ZMAT4: variants seen among roughly 807,000 people sequenced by gnomAD.
The protein encoded by ZMAT4 is zinc finger matrin-type 4.
ZMAT4 carries 17 observed loss-of-function variants against 28.7 expected under a neutral mutation model. That is an observed-to-expected ratio of 0.59 (90% CI 0.41 to 0.89). The LOEUF (loss-of-function observed/expected upper bound fraction) is 0.89, where lower values mean the gene tolerates loss of function less well. ZMAT4 is among the 40% of genes least tolerant of loss of function. ZMAT4 has a pLI of 0.00. For synonymous variants in ZMAT4, 117 were observed against 109.2 expected, an observed-to-expected ratio of 1.07 and a Z score of -0.44; for missense variants, 240 against 283.8, an observed-to-expected ratio of 0.85 and a Z score of 1.11.
At chr8:40,608,405 C>T (rs1009119963) in intron 5 of ZMAT4, among the ~76,000 whole-genome samples, 1 of 152,122 alleles carries the variant, frequency 6.6e-6, no homozygotes, top group Non-Finnish European at 1.5e-5. Context: ...GCCAGAAAGG[C>T]CAGTCTCATT....
rs202133757 is a variant in ZMAT4 at position 40,697,405 on chromosome 8, C to T, written c.193-4G>A. 2,143 of 1,565,794 alleles carry T rather than the reference C, an allele frequency of 1.4e-3. 3 individuals carry two copies. Among genetic ancestry groups the T allele is most frequent in the Non-Finnish European group, 1.6e-3 (1,902 of 1,152,806 alleles). On this transcript the variant is annotated splice_polypyrimidine_tract_variant and splice_region_variant and intron_variant, in intron 3 of 6. Coordinates refer to ENST00000297737, the MANE Select transcript of ZMAT4 (RefSeq NM_024645.3). ...CCACCATGTCGGCATCACTTCCCTG[C>T]GCAGGGAGAAAGAAAGGCCACGTGT...
intron 3 of ZMAT4, among the ~76,000 whole-genome samples, chr8:40,703,675 C>T (rs12547087): frequency 0.44 from 67,600 of 151,970 alleles, 15,380 homozygotes; most frequent in Non-Finnish European, 0.49. Flanking sequence ...GGCAGTCACA[C>T]GGCTCTGTGA....
intron 5 of ZMAT4, among the ~76,000 whole-genome samples, chr8:40,649,285 A>G (rs943244948): frequency 6.6e-6 from 1 of 152,140 alleles, no homozygotes; most frequent in African/African-American, 2.4e-5. Flanking sequence ...CTAGTCTCTG[A>G]TAAAACAGAC....
At chr8:40,583,294 G>A (rs1804554145) in intron 5 of ZMAT4, among the ~76,000 whole-genome samples, 1 of 152,160 alleles carries the variant, frequency 6.6e-6, no homozygotes, top group South Asian at 2.1e-4. Context: ...ACAGAATTGG[G>A]CATGGCCTGT....
intron 3 of ZMAT4, among the ~76,000 whole-genome samples, chr8:40,743,373 C>T (rs768066689): frequency 2.6e-4 from 40 of 152,154 alleles, no homozygotes; most frequent in Non-Finnish European, 4.3e-4. Context: ...CTCAAGAAAT[C>T]GGGAGGAGCC....
chr8:40,708,584 TCTCTC>T (rs1810466878), intron 3 of ZMAT4, among the ~76,000 whole-genome samples: 2 of 149,280 alleles, frequency 1.3e-5, no homozygotes, highest in Non-Finnish European at 3.0e-5. Context: ...TCTCTCTCTC[TCTCTC>T]TCTCTCTCTC....
chr8:40,839,775 T>C (rs1286254584), intron 1 of ZMAT4, among the ~76,000 whole-genome samples: 1 of 152,078 alleles, frequency 6.6e-6, no homozygotes, highest in Non-Finnish European at 1.5e-5. Context: ...CACATGGACA[T>C]AGAGTGTGGA....
chr8:40,673,182 G>A (rs2150471455), intron 5 of ZMAT4, among the ~76,000 whole-genome samples: 1 of 152,182 alleles, frequency 6.6e-6, no homozygotes, highest in South Asian at 2.1e-4. Flanking sequence ...CTGCTCACAT[G>A]GAATGCCTTC....
At chr8:40,821,330 T>C (rs1815821583) in intron 2 of ZMAT4, among the ~76,000 whole-genome samples, 1 of 152,192 alleles carries the variant, frequency 6.6e-6, no homozygotes, top group African/African-American at 2.4e-5. Context: ...TTTCTCTTCC[T>C]TCTGTGTCTG....
At chr8:40,559,471 C>T (rs1803659626) in intron 6 of ZMAT4, among the ~76,000 whole-genome samples, 1 of 152,110 alleles carries the variant, frequency 6.6e-6, no homozygotes, top group South Asian at 2.1e-4. Flanking sequence ...ATACCTCCTC[C>T]TATAACCTGT....
At chr8:40,876,289 T>C (rs1405672619) in intron 1 of ZMAT4, among the ~76,000 whole-genome samples, 1 of 152,194 alleles carries the variant, frequency 6.6e-6, no homozygotes, top group African/African-American at 2.4e-5. Flanking sequence ...ATAGTAAATA[T>C]AAATAGTATA....
chr8:40,686,039 A>G (rs17561320), intron 4 of ZMAT4, among the ~76,000 whole-genome samples: 58,736 of 151,942 alleles, frequency 0.39, 12,663 homozygotes, highest in Middle Eastern at 0.62. Flanking sequence ...CAGCCATACC[A>G]AATATTCATA....
At chr8:40,533,436 G>C (rs1461084342) in intron 6 of ZMAT4, among the ~76,000 whole-genome samples, 1 of 152,180 alleles carries the variant, frequency 6.6e-6, no homozygotes, top group Non-Finnish European at 1.5e-5. Context: ...GAATATTTTA[G>C]AGGGAAGGGT....
chr8:40,626,574 C>A (rs1277412497), intron 5 of ZMAT4, among the ~76,000 whole-genome samples: 1 of 152,232 alleles, frequency 6.6e-6, no homozygotes, highest in Non-Finnish European at 1.5e-5. Flanking sequence ...CCATGGTCAG[C>A]AAACACGCAC....
intron 5 of ZMAT4, among the ~76,000 whole-genome samples, chr8:40,666,685 CAAAAT>C: frequency 6.6e-6 from 1 of 152,070 alleles, no homozygotes; most frequent in East Asian, 1.9e-4. Flanking sequence ...ATAAAACACA[CAAAAT>C]AAAGTTTCAA....
chr8:40,582,695 G>A (rs1013315969), intron 5 of ZMAT4, among the ~76,000 whole-genome samples: 8 of 152,152 alleles, frequency 5.3e-5, no homozygotes, highest in African/African-American at 1.9e-4. Context: ...TGCTACCTGG[G>A]TAACTTTATG....
chr8:40,601,580 AAG>A (rs1382572963), intron 5 of ZMAT4, among the ~76,000 whole-genome samples: 1 of 7,096 alleles, frequency 1.4e-4, no homozygotes, highest in Admixed American at 1.7e-3. Context: ...GAAAGAAAGA[AAG>A]AAAGAAAGAA....
At chr8:40,766,109 T>C (rs6988846) in intron 3 of ZMAT4, among the ~76,000 whole-genome samples, 148,958 of 152,236 alleles carry the variant, frequency 0.98, 72,955 homozygotes, top group East Asian at 1. Flanking sequence ...TCCATTCATG[T>C]CCCCAAGCTC....
intron 5 of ZMAT4, among the ~76,000 whole-genome samples, chr8:40,669,900 C>A (rs539405651): frequency 3.3e-5 from 5 of 152,186 alleles, no homozygotes; most frequent in Non-Finnish European, 7.4e-5. Flanking sequence ...GCCTATACAA[C>A]CTAAACATAA....
Sources: gnomAD v4.1 joint callset for allele counts (sites outside exome capture counted in the v4.1 genomes callset) on GRCh38, gnomAD v4.1.1 for gene constraint, MANE v1.5 for transcripts, NCBI Gene and HGNC (gene_info 2026-07-23, HGNC 2026-07-21) for gene names.